CRB1: variants seen among roughly 807,000 people sequenced by gnomAD.
CRB1 encodes the protein crumbs cell polarity complex component 1, also known as protein crumbs homolog 1.
A neutral mutation model predicts 120.0 loss-of-function variants in CRB1; 83 were observed. That is an observed-to-expected ratio of 0.69 (90% CI 0.58 to 0.83). The LOEUF is 0.83. Among genes scored for constraint, CRB1 ranks in the 40% least tolerant of loss-of-function variants. The pLI is 0.00. For missense variants in CRB1, 1,699 were observed against 1,687.6 expected, an observed-to-expected ratio of 1.01 and a Z score of -0.12; for synonymous variants, 625 against 612.5, an observed-to-expected ratio of 1.02 and a Z score of -0.30.
At chr1:197,293,303 C>A (rs576900563) in intron 1 of CRB1, among the ~76,000 whole-genome samples, 2 of 152,002 alleles carry the variant, frequency 1.3e-5, no homozygotes, top group Admixed American at 6.6e-5. Context: ...GAGTGAACTC[C>A]CATTCACAAT....
intron 8 of CRB1, 57 bp downstream of exon 8, chr1:197,429,671 C>A: frequency 1.3e-6 from 2 of 1,551,842 alleles, no homozygotes; most frequent in South Asian, 1.1e-5. Context: ...TTGAGTTGTT[C>A]CAAGAGCAAA....
At chr1:197,278,681 C>A (rs1308346070) in intron 1 of CRB1, among the ~76,000 whole-genome samples, 1 of 151,904 alleles carries the variant, frequency 6.6e-6, no homozygotes. Context: ...ATATTTGGAA[C>A]AAATAATGTT....
At chr1:197,271,109 G>A (rs1339703063) in intron 1 of CRB1, among the ~76,000 whole-genome samples, 2 of 152,060 alleles carry the variant, frequency 1.3e-5, no homozygotes, top group Non-Finnish European at 2.9e-5. Flanking sequence ...TGAGGTGGGA[G>A]GATCGCTTGA....
chr1:197,368,438 G>A (rs1368279871), intron 5 of CRB1, among the ~76,000 whole-genome samples: 3 of 152,092 alleles, frequency 2.0e-5, no homozygotes, highest in East Asian at 1.9e-4. Flanking sequence ...AACTATTTAC[G>A]CTTGTACTCC....
At chr1:197,404,441 C>CAAAAAAAAAAAAAAAAAAAAAAA (rs558125777) in intron 5 of CRB1, among the ~76,000 whole-genome samples, 1 of 58,720 alleles carries the variant, frequency 1.7e-5, no homozygotes, top group African/African-American at 5.9e-5. Context: ...GACTCCGTCT[C>CAAAAAAAAAAAAAAAAAAAAAAA]AAAAAAAAAA....
chr1:197,451,664 A>AG, intron 11 of CRB1, among the ~76,000 whole-genome samples: 3 of 152,344 alleles, frequency 2.0e-5, no homozygotes, highest in Middle Eastern at 3.4e-3. Flanking sequence ...GCAAACTTAG[A>AG]GGTCTACATT....
chr1:197,293,699 T>A (rs552843926), intron 1 of CRB1, among the ~76,000 whole-genome samples: 1 of 152,282 alleles, frequency 6.6e-6, no homozygotes, highest in Non-Finnish European at 1.5e-5. Context: ...AGCATGGTAC[T>A]GGTTCCAAAA....
chr1:197,324,268 C>G (rs185217841), intron 1 of CRB1, among the ~76,000 whole-genome samples: 106 of 152,264 alleles, frequency 7.0e-4, no homozygotes, highest in Non-Finnish European at 1.3e-3. Context: ...CCCCAAAACT[C>G]TCTTTGCAAT....
intron 1 of CRB1, among the ~76,000 whole-genome samples, chr1:197,289,304 T>C (rs1168066227): frequency 1.3e-5 from 2 of 151,834 alleles, no homozygotes; most frequent in Non-Finnish European, 2.9e-5. Flanking sequence ...TAATATTTTG[T>C]TTTTGAAAAT....
At chr1:197,258,833 A>G in the CRB1 span, among the ~76,000 whole-genome samples, 1 of 152,226 alleles carries the variant, frequency 6.6e-6, no homozygotes. Flanking sequence ...GTTATGGTAG[A>G]TATTAAATAA....
chr1:197,327,145 C>G (rs1291354707), intron 1 of CRB1, among the ~76,000 whole-genome samples: 2 of 136,504 alleles, frequency 1.5e-5, no homozygotes, highest in East Asian at 4.1e-4. Context: ...GAAACCAAGG[C>G]TGGGAGAGGC....
At chr1:197,350,124 AC>A (rs1660014248) in intron 4 of CRB1, among the ~76,000 whole-genome samples, 1 of 150,244 alleles carries the variant, frequency 6.7e-6, no homozygotes, top group African/African-American at 2.5e-5. Context: ...AAAAAAAAAA[AC>A]CTGAAAATTT....
At chr1:197,410,543 T>A (rs917749143) in intron 5 of CRB1, among the ~76,000 whole-genome samples, 3 of 152,228 alleles carry the variant, frequency 2.0e-5, no homozygotes, top group African/African-American at 7.2e-5. Flanking sequence ...TGGAACCACA[T>A]GCTATGAACA....
chr1:197,218,081 G>GA, the CRB1 span, among the ~76,000 whole-genome samples: 1 of 152,066 alleles, frequency 6.6e-6, no homozygotes, highest in Non-Finnish European at 1.5e-5. Context: ...TTTTCATAAT[G>GA]AAAAAAATTA....
At chr1:197,395,975 T>A (rs4604725) in intron 5 of CRB1, among the ~76,000 whole-genome samples, 1 of 151,952 alleles carries the variant, frequency 6.6e-6, no homozygotes, top group South Asian at 2.1e-4. Context: ...TTCTACATTG[T>A]ATTGGTGATC....
intron 1 of CRB1, among the ~76,000 whole-genome samples, chr1:197,312,849 A>G (rs989254154): frequency 6.6e-6 from 1 of 152,000 alleles, no homozygotes; most frequent in African/African-American, 2.4e-5. Flanking sequence ...TTATTCTTGT[A>G]TTTTTCATTC....
intron 5 of CRB1, among the ~76,000 whole-genome samples, chr1:197,378,253 G>A (rs1015697968): frequency 2.0e-5 from 3 of 152,112 alleles, no homozygotes; most frequent in South Asian, 2.1e-4. Context: ...AGCCAATAGC[G>A]TAAGATTTTT....
chr1:197,327,740 G>A (rs1295343452), intron 1 of CRB1, among the ~76,000 whole-genome samples: 2 of 152,028 alleles, frequency 1.3e-5, no homozygotes, highest in East Asian at 3.9e-4. Context: ...CAAATTGCTG[G>A]TCTCAAACCC....
At chr1:197,419,653 G>A (rs1399350152) in intron 5 of CRB1, among the ~76,000 whole-genome samples, 4 of 151,932 alleles carry the variant, frequency 2.6e-5, no homozygotes, top group African/African-American at 7.2e-5. Context: ...GTGAGCTACC[G>A]AGCATGGCCA....
Sources: allele counts gnomAD v4.1 joint callset (sites outside exome capture counted in the v4.1 genomes callset), GRCh38; gene constraint gnomAD v4.1.1; transcripts MANE v1.5; gene names NCBI Gene and HGNC (gene_info 2026-07-23, HGNC 2026-07-21).